The following SLCO3A1 variants were observed in gnomAD, a reference collection of about 807,000 sequenced individuals.
SLCO3A1 encodes the protein PGE1 transporter.
In SLCO3A1, 27 loss-of-function variants were observed where a neutral mutation model predicts 63.1. That is an observed-to-expected ratio of 0.43 (90% CI 0.32 to 0.59). The LOEUF (loss-of-function observed/expected upper bound fraction) is 0.59, where lower values mean the gene tolerates loss of function less well. Among genes scored for constraint, SLCO3A1 ranks in the 20% least tolerant of loss-of-function variants. SLCO3A1 has a pLI of 0.09. For synonymous variants in SLCO3A1, 473 were observed against 409.9 expected (o/e 1.15, Z -1.86); for missense variants, 773 against 945.8 (o/e 0.82, Z 2.40).
At chr15:91,895,645 C>G (rs1404496099) in intron 1 of SLCO3A1, among the ~76,000 whole-genome samples, 1 of 152,168 alleles carries the variant, frequency 6.6e-6, no homozygotes, top group East Asian at 1.9e-4. Flanking sequence ...TCTAGTAGTT[C>G]TTAATAATCT....
intron 2 of SLCO3A1, among the ~76,000 whole-genome samples, chr15:91,965,473 C>G (rs1176038526): frequency 6.6e-6 from 1 of 152,200 alleles, no homozygotes; most frequent in African/African-American, 2.4e-5. Flanking sequence ...CTCTGAGGCT[C>G]TCTAAAAATA....
At chr15:92,027,249 G>T (rs1364252200) in intron 2 of SLCO3A1, among the ~76,000 whole-genome samples, 1 of 152,198 alleles carries the variant, frequency 6.6e-6, no homozygotes, top group Non-Finnish European at 1.5e-5. Flanking sequence ...CTAAATACGT[G>T]ATTTCCTGGA....
chr15:92,001,852 T>C (rs1047354904), intron 2 of SLCO3A1, among the ~76,000 whole-genome samples: 1 of 143,262 alleles, frequency 7.0e-6, no homozygotes, highest in East Asian at 2.0e-4. Context: ...TTTTTTTTTT[T>C]TGAGACGGAG....
chr15:91,927,959 C>T (rs542793255), intron 2 of SLCO3A1, among the ~76,000 whole-genome samples: 1 of 152,362 alleles, frequency 6.6e-6, no homozygotes, highest in Non-Finnish European at 1.5e-5. Context: ...AAAGAGCCTT[C>T]TCTTCATCAA....
Position 92,138,562 on chromosome 15 carries a change from G to T in SLCO3A1, c.1513-8422G>T, listed in dbSNP as rs1160470820. ...TGGCATTGAATCTATAAATTACCTT[G>T]GGCAGTATGGCCATTTTCACGATAT... is the stretch of plus-strand genomic sequence containing the variant. On this transcript the variant is annotated intron_variant, in intron 7 of 9. Transcript: ENST00000318445. 1.5e-4 allele frequency among the ~76,000 whole-genome samples: 15 copies of T among 100,296 alleles called. 1 individual carries two copies. Among genetic ancestry groups the T allele is most frequent in the Admixed American group, 2.3e-4 (2 of 8,816 alleles). The allele number at this position is 100,296 out of a possible 152,430, so 65.8% of individuals were successfully genotyped here.
intron 5 of SLCO3A1, among the ~76,000 whole-genome samples, chr15:92,122,350 A>G (rs991711797): frequency 6.6e-6 from 1 of 152,218 alleles, no homozygotes. Flanking sequence ...AGGGAAGGTG[A>G]TGCTTTCTGA....
intron 1 of SLCO3A1, among the ~76,000 whole-genome samples, chr15:91,892,061 A>C (rs1482379925): frequency 6.6e-6 from 1 of 152,232 alleles, no homozygotes; most frequent in Non-Finnish European, 1.5e-5. Context: ...TGACATTGAA[A>C]GGACAGGCTG....
intron 3 of SLCO3A1, among the ~76,000 whole-genome samples, chr15:92,102,402 ATCTC>A (rs149655435): frequency 1.3e-5 from 2 of 152,140 alleles, no homozygotes; most frequent in African/African-American, 4.8e-5. Context: ...GAATAACAAG[ATCTC>A]TCTCTATACA....
At chr15:92,022,327 T>G (rs530546072) in intron 2 of SLCO3A1, among the ~76,000 whole-genome samples, 3 of 152,318 alleles carry the variant, frequency 2.0e-5, no homozygotes, top group Admixed American at 2.0e-4. Context: ...TTAACACCTG[T>G]GCGTGTGAAC....
chr15:92,103,713 A>C (rs1449907942), intron 3 of SLCO3A1, among the ~76,000 whole-genome samples: 1 of 151,790 alleles, frequency 6.6e-6, no homozygotes, highest in Non-Finnish European at 1.5e-5. Flanking sequence ...AGGCATAGAG[A>C]GTTCAAACCA....
chr15:91,976,314 G>A (rs1037412859), intron 2 of SLCO3A1, among the ~76,000 whole-genome samples: 1 of 152,198 alleles, frequency 6.6e-6, no homozygotes, highest in Non-Finnish European at 1.5e-5. Flanking sequence ...TGACACTTCA[G>A]ATATTTTGGA....
chr15:91,971,445 G>A lies in SLCO3A1; in HGVS notation c.646+54987G>A, dbSNP rs115701463. On this transcript the variant is annotated intron_variant, in intron 2 of 9. Coordinates refer to ENST00000318445, the MANE Select transcript of SLCO3A1 (RefSeq NM_013272.4). ...TCCTTCTTGTTTCAGCTCTCATGCT[G>A]TAAACAAGTATCCTTTTTGTTGTCT... 3.4e-3 allele frequency among the ~76,000 whole-genome samples: 490 copies of A among 142,848 alleles called. 4 individuals are homozygous for A. The highest frequency in any genetic ancestry group is 0.012 in the African/African-American group (479 of 38,904). The allele number at this position is 142,848 out of a possible 152,430, so 93.7% of individuals were successfully genotyped here.
At chr15:91,870,690 GTTTTGC>G (rs1188084195) in intron 1 of SLCO3A1, among the ~76,000 whole-genome samples, 3 of 150,852 alleles carry the variant, frequency 2.0e-5, no homozygotes, top group African/African-American at 7.3e-5. Flanking sequence ...ATAGTTGTCT[GTTTTGC>G]TTCGATTACT....
rs935810890 is a variant in SLCO3A1, at chr15:92,104,618, C to T, written c.1009+76C>T. 89 of 1,476,788 alleles carry T rather than the reference C, an allele frequency of 6.0e-5. No homozygotes were observed. In the Middle Eastern group the frequency reaches 6.5e-4, roughly 11 times the overall value. The allele number at this position is 1,476,788 out of a possible 1,614,324, so 91.5% of individuals were successfully genotyped here. A position where few individuals can be genotyped will look rare whatever the true frequency, so the allele number is the denominator to read the frequency against. On this transcript the variant is annotated intron_variant, in intron 4 of 9. Coordinates refer to ENST00000318445, the MANE Select transcript of SLCO3A1 (RefSeq NM_013272.4). ...GGGGGTGATGAATGAAGGGGTGGCA[C>T]CCAGGACTGGGGTGCTTGGGGACTT... is the stretch of plus-strand genomic sequence containing the variant.
intron 2 of SLCO3A1, among the ~76,000 whole-genome samples, chr15:91,935,038 C>G (rs1899359605): frequency 6.6e-6 from 1 of 152,190 alleles, no homozygotes; most frequent in Non-Finnish European, 1.5e-5. Flanking sequence ...ACTGCAACCT[C>G]CGCCTCCTGG....
At chr15:92,005,364 G>C (rs1983351) in intron 2 of SLCO3A1, among the ~76,000 whole-genome samples, 71,699 of 152,046 alleles carry the variant, frequency 0.47, 17,348 homozygotes, top group East Asian at 0.73. Flanking sequence ...TGTGCCGAAG[G>C]GGCTGATCGC....
At chr15:92,147,614 C>T (rs1324596474) in intron 8 of SLCO3A1, among the ~76,000 whole-genome samples, 1 of 152,110 alleles carries the variant, frequency 6.6e-6, no homozygotes, top group Non-Finnish European at 1.5e-5. Context: ...GAGCAGGACC[C>T]ACTGAGACCA....
intron 2 of SLCO3A1, among the ~76,000 whole-genome samples, chr15:92,073,629 A>C (rs921103083): frequency 1.1e-4 from 16 of 152,334 alleles, no homozygotes; most frequent in African/African-American, 3.8e-4. Flanking sequence ...TTTGAGATCA[A>C]TTGCACTTCG....
intron 1 of SLCO3A1, among the ~76,000 whole-genome samples, chr15:91,901,736 T>C (rs1567177492): frequency 6.6e-6 from 1 of 152,238 alleles, no homozygotes; most frequent in African/African-American, 2.4e-5. Flanking sequence ...TGCCATCTTT[T>C]CTTGCTGCTT....
Sources: allele counts gnomAD v4.1 joint callset (sites outside exome capture counted in the v4.1 genomes callset), GRCh38; gene constraint gnomAD v4.1.1; transcripts MANE v1.5; gene names NCBI Gene and HGNC (gene_info 2026-07-23, HGNC 2026-07-21).